MAPK9: variants seen among roughly 807,000 people sequenced by gnomAD.
MAPK9 encodes the protein mitogen-activated protein kinase 9.
In MAPK9, 30 loss-of-function variants were observed where a neutral mutation model predicts 57.1. That is an observed-to-expected ratio of 0.53 (90% CI 0.39 to 0.71). The LOEUF (loss-of-function observed/expected upper bound fraction) is 0.71, where lower values mean the gene tolerates loss of function less well. MAPK9 is among the 30% of genes least tolerant of loss of function. The pLI is 0.00. For synonymous variants in MAPK9, 155 were observed against 177.0 expected (o/e 0.88, Z 0.99); for missense variants, 362 against 521.0 (o/e 0.69, Z 2.97).
intron 7 of MAPK9, among the ~76,000 whole-genome samples, chr5:180,244,561 G>C (rs1757921265): frequency 1.3e-5 from 2 of 152,120 alleles, no homozygotes; most frequent in South Asian, 4.2e-4. Context: ...GGATCACAAG[G>C]TCAGGTGTTC....
chr5:180,252,434 AC>A (rs1206420179), intron 5 of MAPK9, among the ~76,000 whole-genome samples: 3 of 152,248 alleles, frequency 2.0e-5, no homozygotes, highest in African/African-American at 7.2e-5. Flanking sequence ...GGCTGGACTA[AC>A]GAGTTAGACT....
intron 5 of MAPK9, 134 bp from the exon 6 acceptor site, chr5:180,249,272 G>A: frequency 2.4e-6 from 2 of 845,410 alleles, no homozygotes; most frequent in South Asian, 2.1e-5. Flanking sequence ...GAACAACTTT[G>A]GAAAATCTTA....
At chr5:180,265,961 T>G (rs770727926) in intron 3 of MAPK9, among the ~76,000 whole-genome samples, 4 of 151,666 alleles carry the variant, frequency 2.6e-5, no homozygotes, top group Non-Finnish European at 4.4e-5. Context: ...AAATCTTTTC[T>G]AAACATGACA....
chr5:180,269,416 T>C lies in MAPK9; in HGVS notation c.123-7A>G. ...AACTGTATCAAATGCAGCACTAGAATTAGGAAATATAATGCACAATCCATT... is the reference window on the plus strand; with the variant it reads ...AACTGTATCAAATGCAGCACTAGAACTAGGAAATATAATGCACAATCCATT... On this transcript the variant is annotated splice_polypyrimidine_tract_variant and splice_region_variant and intron_variant, in intron 2 of 11. Coordinates refer to ENST00000452135, the MANE Select transcript of MAPK9 (RefSeq NM_002752.5). The C allele has an allele frequency of 6.2e-7, 1 of 1,613,158 alleles. No individual in the cohort carries two copies.
intron 1 of MAPK9, among the ~76,000 whole-genome samples, chr5:180,290,211 T>C (rs1472025405): frequency 1.3e-5 from 2 of 152,120 alleles, no homozygotes; most frequent in Non-Finnish European, 2.9e-5. Flanking sequence ...TTCTTTAGGG[T>C]CCCCACGACT....
intron 1 of MAPK9, among the ~76,000 whole-genome samples, chr5:180,291,519 G>A (rs1763233431): frequency 6.6e-6 from 1 of 152,152 alleles, no homozygotes; most frequent in African/African-American, 2.4e-5. Flanking sequence ...CTTGGCCAAG[G>A]TCGCGGGGAC....
intron 3 of MAPK9, among the ~76,000 whole-genome samples, chr5:180,268,279 G>C (rs1401547666): frequency 6.6e-6 from 1 of 152,124 alleles, no homozygotes; most frequent in Non-Finnish European, 1.5e-5. Flanking sequence ...GAGCTTCCAA[G>C]AATAGCTACT....
At position 180,233,764 on chromosome 5, in the gene MAPK9, C is replaced by CA. The variant is rs1453978101; in HGVS notation, c.*2619dup. On this transcript the variant is annotated 3_prime_UTR_variant, in exon 12 of 12. Transcript: ENST00000452135. Reference sequence around the variant, plus strand: ...GGAGTCACATTAGAAATCAACCAGACAGACTCGTACGTGGTTATCGCTACT... The same window carrying CA: ...GGAGTCACATTAGAAATCAACCAGACAAGACTCGTACGTGGTTATCGCTACT... The CA allele has an allele frequency of 1.3e-5, 2 of 152,216 alleles. No homozygotes were observed. The highest frequency in any genetic ancestry group is 4.8e-5 in the African/African-American group (2 of 41,446). The allele number at this position is 152,216 out of a possible 1,614,324, so 9.4% of individuals were successfully genotyped here. A position where few individuals can be genotyped will look rare whatever the true frequency, so the allele number is the denominator to read the frequency against.
Position 180,285,715 on chromosome 5 carries a change from A to G in MAPK9, c.-47-5107T>C, listed in dbSNP as rs541315938. On this transcript the variant is annotated intron_variant, in intron 1 of 11. Coordinates refer to ENST00000452135, the MANE Select transcript of MAPK9 (RefSeq NM_002752.5). ...AAGGTGGGAGGATCACTTAAGCCCA[A>G]GAGTTCCAGACCAGCCTGGGCAACA... 1.4e-4 allele frequency among the ~76,000 whole-genome samples: 21 copies of G among 152,060 alleles called. No individual in the cohort carries two copies. The East Asian group carries it at 3.9e-3, about 28-fold the overall frequency.
intron 4 of MAPK9, among the ~76,000 whole-genome samples, chr5:180,262,345 G>A (rs1200455863): frequency 6.7e-6 from 1 of 149,024 alleles, no homozygotes; most frequent in Non-Finnish European, 1.5e-5. Flanking sequence ...GCTTAGCAAC[G>A]CCCCGATTCT....
intron 2 of MAPK9, chr5:180,280,080 A>G: frequency 4.4e-6 from 2 of 454,996 alleles, no homozygotes; most frequent in Non-Finnish European, 8.9e-6. Context: ...GGGAGGGGGG[A>G]AAAGGTGGCC....
chr5:180,281,235 T>A (rs933409976), intron 1 of MAPK9, among the ~76,000 whole-genome samples: 3 of 152,160 alleles, frequency 2.0e-5, no homozygotes, highest in African/African-American at 7.2e-5. Flanking sequence ...GAGTCCCACA[T>A]CACCACCGGA....
intron 5 of MAPK9, among the ~76,000 whole-genome samples, chr5:180,250,473 G>GT (rs1177884875): frequency 2.0e-5 from 3 of 152,162 alleles, no homozygotes; most frequent in Non-Finnish European, 2.9e-5. Context: ...CTGACATGGC[G>GT]TAAGGCATGA....
intron 2 of MAPK9, among the ~76,000 whole-genome samples, chr5:180,270,778 G>A (rs1269780360): frequency 6.6e-6 from 1 of 150,570 alleles, no homozygotes; most frequent in African/African-American, 2.5e-5. Flanking sequence ...TTGAGCCGGG[G>A]GTCGAGACTG....
In MAPK9 at chr5:180,269,356, C is replaced by T. The variant is rs1417662754; in HGVS notation, c.176G>A (p.Arg59His). ...GINVAVKKLSRPFQNQTHAKR... is the reference protein window; with the variant it reads ...GINVAVKKLSHPFQNQTHAKR... ...TGCATGAGTTTGGTTCTGAAAAGGA[C>T]GGCTTAGTTTCTTGACTGCAACATT... The change falls in exon 3 of 12, where the codon CGT becomes CAT. Residue 59 changes from arginine (R) to histidine (H), a missense_variant. Around this residue, in one of 3 missense-constraint regions of MAPK9, gnomAD observed 127 missense variants for 231.7 expected, o/e 0.55. Transcript: ENST00000452135. 8.7e-6 allele frequency: 14 copies of T among 1,613,786 alleles called. No homozygotes were observed. Among genetic ancestry groups the T allele is most frequent in the Admixed American group, 1.7e-5 (1 of 59,998 alleles).
intron 1 of MAPK9, among the ~76,000 whole-genome samples, chr5:180,283,133 C>T (rs971697583): frequency 2.0e-5 from 3 of 152,156 alleles, no homozygotes; most frequent in Non-Finnish European, 4.4e-5. Context: ...CCCTTCCTCG[C>T]TTTCATAAGA....
chr5:180,264,554 C>A (rs2127598325), intron 4 of MAPK9, among the ~76,000 whole-genome samples: 1 of 152,328 alleles, frequency 6.6e-6, no homozygotes, highest in Admixed American at 6.5e-5. Flanking sequence ...CTGAAGAATT[C>A]TTTCCAGTCA....
chr5:180,255,272 C>A (rs1759153586), intron 5 of MAPK9, among the ~76,000 whole-genome samples: 1 of 152,102 alleles, frequency 6.6e-6, no homozygotes, highest in South Asian at 2.1e-4. Context: ...ATGCGTCCCA[C>A]CAAAACAAGG....
chr5:180,289,959 G>A (rs1445323335), intron 1 of MAPK9, among the ~76,000 whole-genome samples: 1 of 152,158 alleles, frequency 6.6e-6, no homozygotes, highest in Non-Finnish European at 1.5e-5. Flanking sequence ...GGGCTCATGG[G>A]ATCCTTCCAC....
Sources: allele counts gnomAD v4.1 joint callset (sites outside exome capture counted in the v4.1 genomes callset), GRCh38; gene constraint gnomAD v4.1.1; regional missense constraint gnomAD v4.1.1; transcripts MANE v1.5; gene names NCBI Gene and HGNC (gene_info 2026-07-23, HGNC 2026-07-21).